Variants in PTPRD observed in about 807,000 individuals in gnomAD.
PTPRD encodes receptor-type tyrosine-protein phosphatase delta.
A neutral mutation model predicts 214.5 loss-of-function variants in PTPRD; 34 were observed. That is an observed-to-expected ratio of 0.16 (90% confidence interval 0.12 to 0.21). PTPRD has a LOEUF of 0.21. PTPRD is among the 10% of genes least tolerant of loss of function. The pLI is 1.00. For missense variants in PTPRD, 2,545 were observed against 2,398.7 expected, an observed-to-expected ratio of 1.06 and a Z score of -1.27; for synonymous variants, 1,128 against 845.7, an observed-to-expected ratio of 1.33 and a Z score of -5.79.
intron 2 of PTPRD, among the ~76,000 whole-genome samples, chr9:10,457,027 C>G (rs2098923113): frequency 6.6e-6 from 1 of 151,874 alleles, no homozygotes; most frequent in African/African-American, 2.4e-5. Flanking sequence ...TCTTGAGACT[C>G]TGTTAAATGT....
chr9:9,583,921 G>A (rs582218), intron 7 of PTPRD, among the ~76,000 whole-genome samples: 3 of 151,810 alleles, frequency 2.0e-5, no homozygotes, highest in South Asian at 2.1e-4. Flanking sequence ...TAATCAAGCC[G>A]TGAAACTATC....
Position 9,666,559 on chromosome 9 carries a change from T to C in PTPRD, c.-287+67974A>G, listed in dbSNP as rs566741601. Among the ~76,000 whole-genome samples the C allele has an allele frequency of 2.5e-3, 384 of 152,092 alleles. 2 individuals are homozygous for C. Among genetic ancestry groups the C allele is most frequent in the African/African-American group, 8.7e-3 (360 of 41,534 alleles). On this transcript the variant is annotated intron_variant, in intron 7 of 45. Coordinates refer to ENST00000381196, the MANE Select transcript of PTPRD (RefSeq NM_002839.4). ...AAACTTACAAACAATAATAAAACAA[T>C]AATCATCATCATGGCATGTGTCTTT...
chr9:10,025,804 G>C (rs2096912262), intron 4 of PTPRD, among the ~76,000 whole-genome samples: 1 of 152,152 alleles, frequency 6.6e-6, no homozygotes, highest in African/African-American at 2.4e-5. Flanking sequence ...CCCAAGTCAA[G>C]ATTGAAAGAC....
intron 11 of PTPRD, among the ~76,000 whole-genome samples, chr9:8,984,550 G>A (rs1023798953): frequency 9.9e-5 from 15 of 152,036 alleles, no homozygotes; most frequent in African/African-American, 3.1e-4. Context: ...GGGATGAGAC[G>A]ACTTCTAGAA....
chr9:8,604,111 T>G (rs569637977), intron 14 of PTPRD, among the ~76,000 whole-genome samples: 1 of 152,334 alleles, frequency 6.6e-6, no homozygotes, highest in African/African-American at 2.4e-5. Flanking sequence ...CAATCTACTA[T>G]GTGCCCAGTA....
At chr9:8,803,137 T>A (rs1404946843) in intron 11 of PTPRD, among the ~76,000 whole-genome samples, 1 of 152,120 alleles carries the variant, frequency 6.6e-6, no homozygotes, top group Non-Finnish European at 1.5e-5. Flanking sequence ...CTACACAAGA[T>A]AACGCATGTA....
intron 5 of PTPRD, among the ~76,000 whole-genome samples, chr9:9,769,953 G>A (rs1342495754): frequency 1.3e-5 from 2 of 152,016 alleles, no homozygotes; most frequent in Non-Finnish European, 2.9e-5. Context: ...TCTTTTTATG[G>A]CTGCATAGTA....
intron 2 of PTPRD, among the ~76,000 whole-genome samples, chr9:10,462,454 G>A (rs1012049839): frequency 6.6e-6 from 1 of 152,164 alleles, no homozygotes; most frequent in Non-Finnish European, 1.5e-5. Flanking sequence ...CACACATCTT[G>A]TAAGTGGTAG....
chr9:9,887,993 A>C (rs1487142433), intron 5 of PTPRD, among the ~76,000 whole-genome samples: 2 of 152,152 alleles, frequency 1.3e-5, no homozygotes, highest in Admixed American at 6.6e-5. Flanking sequence ...ACAGAAAATG[A>C]CACCTGACGA....
chr9:10,272,132 G>A (rs538536807), intron 3 of PTPRD, among the ~76,000 whole-genome samples: 45 of 152,136 alleles, frequency 3.0e-4, no homozygotes, highest in South Asian at 1.0e-3. Flanking sequence ...AATCATAAAC[G>A]TGCTTTCTCT....
rs2099938374 is a variant in PTPRD at position 9,196,005 on chromosome 9, G to GTA, written c.-202-12644_-202-12643dup. Among the ~76,000 whole-genome samples, 20 of 152,270 alleles carry GTA rather than the reference G, an allele frequency of 1.3e-4. No individual in the cohort carries two copies. The South Asian group carries it at 4.2e-3, about 32-fold the overall frequency. On this transcript the variant is annotated intron_variant, in intron 9 of 45. Transcript: ENST00000381196. ...TTGAAGAATTAAAAGATAAAAGGCT[G>GTA]TACAGTTTGGAGGATAGTCCTCTGG...
At chr9:9,975,947 G>T (rs955317123) in intron 4 of PTPRD, among the ~76,000 whole-genome samples, 15 of 152,134 alleles carry the variant, frequency 9.9e-5, no homozygotes, top group Admixed American at 2.6e-4. Context: ...AACGTTAAGT[G>T]AACTAGACCT....
At chr9:8,453,216 T>A (rs2096032842) in intron 33 of PTPRD, among the ~76,000 whole-genome samples, 1 of 152,264 alleles carries the variant, frequency 6.6e-6, no homozygotes, top group South Asian at 2.1e-4. Context: ...CAGGCTGGAG[T>A]GCAGTGGTGC....
At chr9:9,970,398 C>G (rs547883206) in intron 4 of PTPRD, among the ~76,000 whole-genome samples, 16 of 131,308 alleles carry the variant, frequency 1.2e-4, no homozygotes, top group African/African-American at 4.4e-4. Context: ...TGCAGTGAGC[C>G]GAGAGCCTGG....
At chr9:9,699,548 A>C (rs58523814) in intron 7 of PTPRD, among the ~76,000 whole-genome samples, 140 of 152,276 alleles carry the variant, frequency 9.2e-4, no homozygotes, top group African/African-American at 2.9e-3. Context: ...AATGAATCTT[A>C]TCTATTAGAA....
chr9:9,025,420 G>A (rs373171008), intron 10 of PTPRD, among the ~76,000 whole-genome samples: 3 of 151,968 alleles, frequency 2.0e-5, no homozygotes, highest in Non-Finnish European at 4.4e-5. Context: ...GTAATCTTAA[G>A]GGAATTCATG....
intron 43 of PTPRD, among the ~76,000 whole-genome samples, chr9:8,332,315 C>T (rs1044450897): frequency 6.6e-6 from 1 of 152,130 alleles, no homozygotes; most frequent in African/African-American, 2.4e-5. Context: ...CCGGTAGTTG[C>T]TGTTAACCTG....
intron 14 of PTPRD, among the ~76,000 whole-genome samples, chr9:8,531,925 T>C (rs966981849): frequency 6.6e-6 from 1 of 152,070 alleles, no homozygotes; most frequent in African/African-American, 2.4e-5. Flanking sequence ...TGAAAAGCAG[T>C]CTAATACATT....
intron 3 of PTPRD, among the ~76,000 whole-genome samples, chr9:10,134,676 G>C (rs1006673820): frequency 6.6e-6 from 1 of 151,834 alleles, no homozygotes; most frequent in African/African-American, 2.4e-5. Context: ...TTACACCACA[G>C]TCAAACTCTT....
Sources: gnomAD v4.1 joint callset for allele counts (sites outside exome capture counted in the v4.1 genomes callset) on GRCh38, gnomAD v4.1.1 for gene constraint, MANE v1.5 for transcripts, NCBI Gene and HGNC (gene_info 2026-07-23, HGNC 2026-07-21) for gene names.